The following TULP4 variants were observed in gnomAD, a reference collection of about 807,000 sequenced individuals.
TULP4 encodes tubby-related protein 4.
In TULP4, 16 loss-of-function variants were observed where a neutral mutation model predicts 129.0. The ratio of observed to expected loss-of-function variants is 0.12; its 90% CI spans 0.08 to 0.19. The LOEUF is 0.19. Among genes scored for constraint, TULP4 ranks in the 10% least tolerant of loss-of-function variants. TULP4 has a pLI of 1.00. For missense variants in TULP4, 1,842 were observed against 2,059.1 expected, an observed-to-expected ratio of 0.89 and a Z score of 2.04; for synonymous variants, 998 against 854.0, an observed-to-expected ratio of 1.17 and a Z score of -2.94.
chr6:158,331,726 C>CGTATAT (rs1401289901), intron 1 of TULP4, among the ~76,000 whole-genome samples: 8 of 33,086 alleles, frequency 2.4e-4, no homozygotes, highest in Non-Finnish European at 2.8e-4. Flanking sequence ...CACACACACA[C>CGTATAT]ACATACGTAT....
In TULP4 at chr6:158,489,657, T is replaced by C. The variant is rs761229271; in HGVS notation, c.1556T>C (p.Ile519Thr). The C allele has an allele frequency of 5.6e-6, 9 of 1,614,170 alleles. No individual in the cohort carries two copies. The highest frequency in any genetic ancestry group is 2.2e-5 in the East Asian group (1 of 44,876). ...DSCNCSDSSD[I>T]ELSDDWAAKK... is the part of the protein sequence containing the mutation. ...TGCAACTGCTCAGACTCCAGTGACATTGAGCTGAGTGATGACTGGGCTGCC... is the reference window on the plus strand; with the variant it reads ...TGCAACTGCTCAGACTCCAGTGACACTGAGCTGAGTGATGACTGGGCTGCC... Residue 519 changes from isoleucine (I) to threonine (T), a missense_variant, in exon 9 of 14, where the codon ATT becomes ACT. Physicochemically the swap from Ile to Thr is moderately conservative, Grantham distance 89. Coordinates refer to ENST00000367097, the MANE Select transcript of TULP4 (RefSeq NM_020245.5).
chr6:158,335,121 C>G (rs957519928), intron 1 of TULP4, among the ~76,000 whole-genome samples: 1 of 151,838 alleles, frequency 6.6e-6, no homozygotes, highest in Admixed American at 6.6e-5. Context: ...ACTAAAAATA[C>G]AAAAAATTAG....
At chr6:158,505,563 C>T (rs1006176892) in intron 13 of TULP4, among the ~76,000 whole-genome samples, 3 of 152,374 alleles carry the variant, frequency 2.0e-5, no homozygotes, top group Non-Finnish European at 4.4e-5. Context: ...GTGCTAGGAT[C>T]AGGGCAGTGA....
At chr6:158,272,970 A>G (rs1364228770) in intron 1 of TULP4, among the ~76,000 whole-genome samples, 1 of 152,208 alleles carries the variant, frequency 6.6e-6, no homozygotes, top group African/African-American at 2.4e-5. Flanking sequence ...TGGCTTTGGG[A>G]ATCTGGTCCG....
At chr6:158,365,099 A>G (rs1397473041) in intron 1 of TULP4, among the ~76,000 whole-genome samples, 1 of 151,892 alleles carries the variant, frequency 6.6e-6, no homozygotes, top group East Asian at 1.9e-4. Context: ...TTGAGATTCA[A>G]GTCTTCAATT....
Position 158,246,681 on chromosome 6 carries a change from T to C in TULP4, n.68+14378T>C, listed in dbSNP as rs1283675442. The stretch of plus-strand genomic sequence containing the variant: ...TTCATAGAATATAATTGGTGAAAAT[T>C]AAAATTTTGAATTCATGGATTTAAA... On this transcript the variant is annotated intron_variant and non_coding_transcript_variant, in intron 1 of 1. Coordinates refer to the TULP4 transcript ENST00000620026. 1.3e-5 allele frequency among the ~76,000 whole-genome samples: 2 copies of C among 152,206 alleles called. 1 individual carries two copies. Among genetic ancestry groups the C allele is most frequent in the Non-Finnish European group, 2.9e-5 (2 of 68,034 alleles).
chr6:158,503,256 C>A lies in TULP4; in HGVS notation c.3593C>A (p.Pro1198His). 6.2e-7 allele frequency: 1 copy of A among 1,614,040 alleles called. No individual in the cohort carries two copies. ...GVPYPGSYNN[P>H]PLPGVQAPCS... The stretch of plus-strand genomic sequence containing the variant: ...CCATATCCAGGAAGCTATAACAACC[C>A]CCCTTTGCCTGGAGTGCAGGCTCCC... The change falls in exon 13 of 14, where the codon CCC (proline) becomes CAC (histidine). Residue 1198 changes from proline (P) to histidine (H), a missense_variant. By Grantham distance (77) the Pro-to-His change is moderately conservative. Around this residue, in one of 5 missense-constraint regions of TULP4, gnomAD observed 1,089 missense variants for 987.1 expected, o/e 1.10. Transcript: ENST00000367097. This position sits in a 1 kb window ranked among gnomAD's most constrained non-coding sequence, Gnocchi z 4.3.
At chr6:158,287,633 C>G (rs1778854901) in intron 1 of TULP4, among the ~76,000 whole-genome samples, 1 of 152,090 alleles carries the variant, frequency 6.6e-6, no homozygotes, top group Non-Finnish European at 1.5e-5. Context: ...ACCATACTTA[C>G]TAGGGAGGAA....
chr6:158,392,802 T>C lies in TULP4; in HGVS notation c.253-20263T>C, dbSNP rs1220823400. Among the ~76,000 whole-genome samples, 2 of 105,700 alleles carry C rather than the reference T, an allele frequency of 1.9e-5. 1 individual carries two copies. Among genetic ancestry groups the C allele is most frequent in the African/African-American group, 7.9e-5 (2 of 25,258 alleles). The allele number at this position is 105,700 out of a possible 152,430, so 69.3% of individuals were successfully genotyped here. A position where few individuals can be genotyped will look rare whatever the true frequency, so the allele number is the denominator to read the frequency against. ...TGTTTAAATTTGTATTTCTTTTTTT[T>C]TTTTTTTTTTTTTTTTTGAGATGGA... On this transcript the variant is annotated intron_variant, in intron 1 of 13. Transcript: ENST00000367097.
rs1779631766 is a variant in TULP4, at chr6:158,321,531, TC to T, written c.252+7269del. ...ATCGGTCACCCAGACAGAACTCATT[TC>T]CCCCCGCCCCTTGAACCTCAGATCA... is the stretch of plus-strand genomic sequence containing the variant. On this transcript the variant is annotated intron_variant, in intron 1 of 13. Coordinates refer to ENST00000367097, the MANE Select transcript of TULP4 (RefSeq NM_020245.5). Among the ~76,000 whole-genome samples the T allele has an allele frequency of 2.0e-5, 3 of 152,076 alleles. No individual in the cohort carries two copies. In the South Asian group the frequency reaches 6.2e-4, roughly 32 times the overall value.
Position 158,451,533 on chromosome 6 carries a change from T to A in TULP4, c.725-601T>A, listed in dbSNP as rs553578313. On this transcript the variant is annotated intron_variant, in intron 4 of 13. Transcript: ENST00000367097. ...CCATGGTCCATCATGGCCCCTTCCT[T>A]AATGTCTGCATGAGGCTCCAGAGCA... Among the ~76,000 whole-genome samples, 54 of 152,182 alleles carry A rather than the reference T, an allele frequency of 3.5e-4. 1 individual carries two copies. Among genetic ancestry groups the A allele is most frequent in the Non-Finnish European group, 6.9e-4 (47 of 68,026 alleles).
At chr6:158,244,034 G>A (rs766925069) in intron 1 of TULP4, among the ~76,000 whole-genome samples, 6 of 152,152 alleles carry the variant, frequency 3.9e-5, no homozygotes, top group Non-Finnish European at 8.8e-5. Flanking sequence ...TGATGGTTGA[G>A]GGTTTTAAAT....
In TULP4 at chr6:158,502,384, G is replaced by T; in HGVS notation, c.2721G>T (p.Met907Ile). 1.2e-6 allele frequency: 2 copies of T among 1,613,778 alleles called. No individual in the cohort carries two copies. The highest frequency in any genetic ancestry group is 1.7e-6 in the Non-Finnish European group (2 of 1,179,938). ...AGGTGTGCCGGCCCCGCACCCGGAT[G>T]CTGTGCTCCCAGAACACGTACACCC... is the stretch of plus-strand genomic sequence containing the variant. ...VEEVCRPRTR[M>I]LCSQNTYTLP... is the part of the protein sequence containing the mutation. The change falls in exon 13 of 14, where the codon ATG (methionine) becomes ATT (isoleucine). Residue 907 changes from methionine to isoleucine, a missense_variant. Physicochemically the swap from Met to Ile is conservative, Grantham distance 10 (BLOSUM62 1). This residue lies in a region of TULP4 where 1,089 missense variants were observed against 987.1 expected (regional missense o/e 1.10). Transcript: ENST00000367097.
At chr6:158,501,604 G>A in intron 12 of TULP4, 74 bp from the exon 13 acceptor site, 1 of 1,432,026 alleles carries the variant, frequency 7.0e-7, no homozygotes, top group Non-Finnish European at 9.6e-7. Flanking sequence ...GATGAGTCCA[G>A]ACGTATTGCT....
chr6:158,357,209 T>G (rs1417947499), intron 1 of TULP4, among the ~76,000 whole-genome samples: 3 of 152,206 alleles, frequency 2.0e-5, no homozygotes. Flanking sequence ...ATTTTGTGAC[T>G]CTTCGAGTCA....
intron 1 of TULP4, among the ~76,000 whole-genome samples, chr6:158,342,271 G>A (rs570023438): frequency 8.5e-5 from 13 of 152,308 alleles, no homozygotes; most frequent in Non-Finnish European, 1.2e-4. Context: ...TGCTTTTGAG[G>A]TCTTACTCAG....
intron 1 of TULP4, among the ~76,000 whole-genome samples, chr6:158,289,301 TTATC>T (rs1336902255): frequency 2.6e-5 from 4 of 152,196 alleles, no homozygotes; most frequent in Admixed American, 1.3e-4. Context: ...TGCTCTGTCT[TTATC>T]TATCTTGCCA....
rs1412719418 is a variant in TULP4, at chr6:158,332,185, AAAAAAAAAAAAAAAAATATATATATATAT to A, written c.252+17919_252+17947del. On this transcript the variant is annotated intron_variant, in intron 1 of 13. Transcript: ENST00000367097. ...AGACTCTGTCAAAAAAAAAAAAAAA[AAAAAAAAAAAAAAAAATATATATATATAT>A]ATATATATATATATAAATTGAAAAG... 4.4e-4 allele frequency among the ~76,000 whole-genome samples: 13 copies of A among 29,880 alleles called. 1 individual carries two copies. Among genetic ancestry groups the A allele is most frequent in the African/African-American group, 2.0e-3 (12 of 5,864 alleles). 19.6% of individuals were successfully genotyped at this position (29,880 alleles called of 152,430 possible).
intron 1 of TULP4, among the ~76,000 whole-genome samples, chr6:158,272,285 T>C (rs568779731): frequency 4.5e-4 from 68 of 152,352 alleles, no homozygotes; most frequent in Middle Eastern, 3.4e-3. Flanking sequence ...ATTCTTTTTA[T>C]ATTTTCTTTC....
Sources: gnomAD v4.1 joint callset for allele counts (sites outside exome capture counted in the v4.1 genomes callset) on GRCh38, gnomAD v4.1.1 for gene constraint, gnomAD v4.1.1 regional missense constraint, Gnocchi (gnomAD v3.1) non-coding constraint, MANE v1.5 for transcripts, NCBI Gene and HGNC (gene_info 2026-07-23, HGNC 2026-07-21) for gene names.